RBFOX1: variants seen among roughly 807,000 people sequenced by gnomAD.
The protein encoded by RBFOX1 is RNA binding protein fox-1 homolog 1.
In RBFOX1, 8 loss-of-function variants were observed where a neutral mutation model predicts 57.7. The ratio of observed to expected loss-of-function variants is 0.14; its 90% CI spans 0.08 to 0.25. The LOEUF (loss-of-function observed/expected upper bound fraction) is 0.25. Among genes scored for constraint, RBFOX1 ranks in the 10% least tolerant of loss-of-function variants. RBFOX1 has a pLI of 1.00. For missense variants in RBFOX1, 611 were observed against 548.5 expected (o/e 1.11, Z -1.14); for synonymous variants, 326 against 222.4 (o/e 1.47, Z -4.15).
chr16:5,961,441 G>A (rs1172631608), intron 4 of RBFOX1, among the ~76,000 whole-genome samples: 2 of 151,428 alleles, frequency 1.3e-5, no homozygotes, highest in African/African-American at 4.9e-5. Flanking sequence ...CACTATATTT[G>A]TTTGGCTTAT....
At chr16:5,305,270 G>T (rs1365549274) in intron 1 of RBFOX1, among the ~76,000 whole-genome samples, 1 of 152,178 alleles carries the variant, frequency 6.6e-6, no homozygotes, top group African/African-American at 2.4e-5. Context: ...GAGAGGTCAA[G>T]TGTTCCTATT....
chr16:5,991,501 G>A (rs554696666), intron 4 of RBFOX1, among the ~76,000 whole-genome samples: 8 of 152,230 alleles, frequency 5.3e-5, no homozygotes, highest in Non-Finnish European at 1.0e-4. Context: ...AGACCTTTAC[G>A]GAAGTATTAT....
At chr16:5,476,559 A>T (rs571137344) in intron 2 of RBFOX1, among the ~76,000 whole-genome samples, 7 of 152,366 alleles carry the variant, frequency 4.6e-5, no homozygotes, top group African/African-American at 1.7e-4. Flanking sequence ...TGGCACTCAC[A>T]GGTTTAACAG....
intron 4 of RBFOX1, among the ~76,000 whole-genome samples, chr16:7,230,118 G>T (rs1013242027): frequency 1.3e-4 from 20 of 151,304 alleles, no homozygotes; most frequent in African/African-American, 4.9e-4. Flanking sequence ...AGGGAGAGAT[G>T]GAAAGGAGGG....
intron 3 of RBFOX1, among the ~76,000 whole-genome samples, chr16:6,810,368 A>C (rs1351474912): frequency 6.6e-6 from 1 of 152,080 alleles, no homozygotes. Flanking sequence ...CTCCTTGTCC[A>C]AGTGGTGAAG....
intron 3 of RBFOX1, among the ~76,000 whole-genome samples, chr16:6,838,787 C>A (rs900797561): frequency 6.6e-6 from 1 of 152,152 alleles, no homozygotes; most frequent in African/African-American, 2.4e-5. Flanking sequence ...AATGTACATG[C>A]CTCAAAAGGA....
At chr16:6,906,538 T>C (rs938432665) in intron 3 of RBFOX1, among the ~76,000 whole-genome samples, 2 of 152,116 alleles carry the variant, frequency 1.3e-5, no homozygotes, top group Non-Finnish European at 1.5e-5. Flanking sequence ...CTAGAAACTT[T>C]TCTTTATGGT....
At chr16:6,329,449 G>T (rs1011471004) in intron 2 of RBFOX1, among the ~76,000 whole-genome samples, 8 of 152,250 alleles carry the variant, frequency 5.3e-5, no homozygotes, top group South Asian at 2.1e-4. Flanking sequence ...TGGAGTCTAC[G>T]CTCTTGACCA....
intron 3 of RBFOX1, among the ~76,000 whole-genome samples, chr16:6,725,464 G>T (rs1230328472): frequency 6.6e-6 from 1 of 152,082 alleles, no homozygotes; most frequent in Non-Finnish European, 1.5e-5. Flanking sequence ...TACCGTGAAT[G>T]CAGCCCAGTG....
At chr16:5,920,565 C>T (rs1015841748) in intron 4 of RBFOX1, among the ~76,000 whole-genome samples, 4 of 152,140 alleles carry the variant, frequency 2.6e-5, no homozygotes, top group African/African-American at 9.7e-5. Context: ...ACCTGGCTCC[C>T]TAGTCTCAAG....
At chr16:5,983,726 GGATTT>G (rs2060220515) in intron 4 of RBFOX1, among the ~76,000 whole-genome samples, 1 of 152,084 alleles carries the variant, frequency 6.6e-6, no homozygotes, top group Non-Finnish European at 1.5e-5. Flanking sequence ...GAATTAGATT[GGATTT>G]GATTGTTTCT....
chr16:7,258,594 A>G (rs775581131), intron 4 of RBFOX1, among the ~76,000 whole-genome samples: 5 of 152,232 alleles, frequency 3.3e-5, no homozygotes, highest in Non-Finnish European at 7.3e-5. Flanking sequence ...TGAGATTCAT[A>G]TTAGAGATCT....
At chr16:6,950,853 TTCTCTGTTTTTG>T in intron 3 of RBFOX1, among the ~76,000 whole-genome samples, 1 of 152,152 alleles carries the variant, frequency 6.6e-6, no homozygotes. Flanking sequence ...TTTTCTTTCT[TTCTCTGTTTTTG>T]TCTCTCTTTC....
rs1264453112 is a variant in RBFOX1 at position 5,905,153 on chromosome 16, C to T, written c.351+37818C>T. ...TACAATCTTGGCTCACTGCAACCTCCACCTCCTAGATTCAAGTGATTCTCC... is the reference window on the plus strand; with the variant it reads ...TACAATCTTGGCTCACTGCAACCTCTACCTCCTAGATTCAAGTGATTCTCC... On this transcript the variant is annotated intron_variant, in intron 4 of 19. Transcript: ENST00000641259. 2.0e-5 allele frequency among the ~76,000 whole-genome samples: 3 copies of T among 147,898 alleles called. No homozygotes were observed. In the Admixed American group the frequency reaches 2.0e-4, roughly 10 times the overall value.
chr16:6,621,325 G>A (rs952198701), intron 2 of RBFOX1, among the ~76,000 whole-genome samples: 22 of 152,188 alleles, frequency 1.4e-4, no homozygotes, highest in Admixed American at 1.4e-3. Context: ...TTAGCCAGGT[G>A]TGGTGGCAGG....
At chr16:6,920,466 C>G (rs149862182) in intron 3 of RBFOX1, among the ~76,000 whole-genome samples, 2 of 152,106 alleles carry the variant, frequency 1.3e-5, no homozygotes, top group African/African-American at 4.8e-5. Context: ...TAGATGTGTC[C>G]TAGACATTAA....
At chr16:6,046,143 C>T (rs2095493254) in intron 1 of RBFOX1, among the ~76,000 whole-genome samples, 1 of 152,152 alleles carries the variant, frequency 6.6e-6, no homozygotes, top group Non-Finnish European at 1.5e-5. Context: ...TGCTATGTGG[C>T]AGATATATTA....
intron 14 of RBFOX1, among the ~76,000 whole-genome samples, chr16:7,697,728 C>G (rs1308757223): frequency 6.6e-6 from 1 of 152,148 alleles, no homozygotes; most frequent in Non-Finnish European, 1.5e-5. Context: ...TCCACACACA[C>G]CTTTTTCTTC....
intron 5 of RBFOX1, among the ~76,000 whole-genome samples, chr16:7,556,409 T>A (rs1441584991): frequency 6.6e-6 from 1 of 152,210 alleles, no homozygotes; most frequent in Non-Finnish European, 1.5e-5. Flanking sequence ...CTCAGATCCC[T>A]TTCTTAGATG....
Sources: allele counts gnomAD v4.1 joint callset (sites outside exome capture counted in the v4.1 genomes callset), GRCh38; gene constraint gnomAD v4.1.1; transcripts MANE v1.5; gene names NCBI Gene and HGNC (gene_info 2026-07-23, HGNC 2026-07-21).